SMYD3: variants seen among roughly 807,000 people sequenced by gnomAD.
SMYD3 encodes the protein histone-lysine N-methyltransferase SMYD3.
Under a neutral mutation model 57.7 loss-of-function variants are expected in SMYD3, and 36 were observed. The observed-to-expected ratio is 0.62, with a 90% CI of 0.48 to 0.82. The LOEUF is 0.82. SMYD3 is among the 40% of genes least tolerant of loss of function. The pLI, the probability that SMYD3 is intolerant of heterozygous loss-of-function variation, is 0.00. For synonymous variants in SMYD3, 211 were observed against 195.0 expected (o/e 1.08, Z -0.68); for missense variants, 515 against 538.8 (o/e 0.96, Z 0.44).
At chr1:246,164,527 C>T (rs1252720113) in intron 5 of SMYD3, among the ~76,000 whole-genome samples, 2 of 152,220 alleles carry the variant, frequency 1.3e-5, no homozygotes, top group Non-Finnish European at 2.9e-5. Context: ...GGACCAGCCC[C>T]AGTGAGCCAA....
At chr1:245,934,998 AC>A (rs1458762546) in intron 5 of SMYD3, among the ~76,000 whole-genome samples, 7 of 152,120 alleles carry the variant, frequency 4.6e-5, no homozygotes, top group Non-Finnish European at 7.4e-5. Context: ...AACCTAATGG[AC>A]CCCTGATTAA....
At chr1:246,468,673 A>G (rs1424459075) in intron 1 of SMYD3, among the ~76,000 whole-genome samples, 7 of 151,992 alleles carry the variant, frequency 4.6e-5, no homozygotes, top group Admixed American at 4.6e-4. Flanking sequence ...TAACAATAAT[A>G]ATAACAAATA....
intron 7 of SMYD3, among the ~76,000 whole-genome samples, chr1:245,922,846 C>G (rs1459656278): frequency 6.6e-6 from 1 of 151,742 alleles, no homozygotes; most frequent in Non-Finnish European, 1.5e-5. Context: ...ACATTTTCTT[C>G]CATAAAATAA....
chr1:245,846,419 G>T (rs2050668184), intron 10 of SMYD3, among the ~76,000 whole-genome samples: 1 of 152,318 alleles, frequency 6.6e-6, no homozygotes, highest in Admixed American at 6.5e-5. Flanking sequence ...ATAGTGGAAA[G>T]ACCACTAGAG....
intron 5 of SMYD3, among the ~76,000 whole-genome samples, chr1:246,147,423 G>A (rs1044791002): frequency 3.3e-5 from 5 of 152,114 alleles, no homozygotes; most frequent in Admixed American, 2.0e-4. Context: ...TGAAAGTCAC[G>A]TGAATCAGGA....
intron 5 of SMYD3, among the ~76,000 whole-genome samples, chr1:246,079,932 A>G (rs1410504935): frequency 6.6e-6 from 1 of 152,226 alleles, no homozygotes. Flanking sequence ...AAATAATTGA[A>G]AAAAGAATTG....
chr1:245,807,966 A>C (rs533476538), intron 10 of SMYD3, among the ~76,000 whole-genome samples: 1 of 152,306 alleles, frequency 6.6e-6, no homozygotes, highest in South Asian at 2.1e-4. Context: ...TTTTAAAGGG[A>C]AATAATTTAA....
At chr1:246,141,669 T>C (rs1480557780) in intron 5 of SMYD3, among the ~76,000 whole-genome samples, 1 of 152,148 alleles carries the variant, frequency 6.6e-6, no homozygotes, top group Non-Finnish European at 1.5e-5. Flanking sequence ...ATGACTAACA[T>C]GCCAACGTAA....
rs2066378808 is a variant in SMYD3, at chr1:246,380,984, G to A, written c.165-25890C>T. On this transcript the variant is annotated intron_variant, in intron 1 of 11. Coordinates refer to ENST00000490107, the MANE Select transcript of SMYD3 (RefSeq NM_001167740.2). The stretch of plus-strand genomic sequence containing the variant: ...CAATTCGCTAAGAATGATGTTGCCA[G>A]TAATGATAAAGAAAGAAAAAGTGAG... 2.0e-5 allele frequency among the ~76,000 whole-genome samples: 3 copies of A among 152,196 alleles called. No homozygotes were observed. The South Asian group carries it at 6.2e-4, about 32-fold the overall frequency.
intron 5 of SMYD3, among the ~76,000 whole-genome samples, chr1:246,288,563 T>C (rs1195508156): frequency 2.0e-5 from 3 of 151,920 alleles, no homozygotes; most frequent in South Asian, 4.2e-4. Flanking sequence ...GGCACAAGAC[T>C]AGATAAACCA....
At chr1:246,077,331 A>C (rs543048766) in intron 5 of SMYD3, among the ~76,000 whole-genome samples, 2 of 152,318 alleles carry the variant, frequency 1.3e-5, no homozygotes, top group East Asian at 3.9e-4. Context: ...GTAATAGTAC[A>C]TCAAGGAATC....
chr1:245,800,309 G>C (rs970112847), intron 10 of SMYD3, among the ~76,000 whole-genome samples: 1 of 152,026 alleles, frequency 6.6e-6, no homozygotes, highest in African/African-American at 2.4e-5. Flanking sequence ...TTCTAACAGT[G>C]TATCTTTCCT....
rs558866502 is a variant in SMYD3, at chr1:245,760,384, T to C, written c.1185+3657A>G. ...TTCCCTCTCCAGGTTACCCGAGTCC[T>C]GAGAAAGCTCAGGAAAGAAAGACTT... On this transcript the variant is annotated intron_variant, in intron 11 of 11. Coordinates refer to ENST00000490107, the MANE Select transcript of SMYD3 (RefSeq NM_001167740.2). 1.5e-3 allele frequency among the ~76,000 whole-genome samples: 223 copies of C among 152,280 alleles called. 1 individual carries two copies. The highest frequency in any genetic ancestry group is 5.0e-3 in the African/African-American group (209 of 41,560).
intron 10 of SMYD3, among the ~76,000 whole-genome samples, chr1:245,826,938 TG>T (rs2049536140): frequency 6.6e-6 from 1 of 152,148 alleles, no homozygotes; most frequent in South Asian, 2.1e-4. Flanking sequence ...CCTTGACACA[TG>T]GGGATTATGG....
At chr1:246,031,804 A>C (rs1464476735) in intron 5 of SMYD3, among the ~76,000 whole-genome samples, 1 of 152,048 alleles carries the variant, frequency 6.6e-6, no homozygotes. Flanking sequence ...AGATAAAATT[A>C]GGTTGGTTTC....
chr1:246,080,539 A>G (rs10924498), intron 5 of SMYD3, among the ~76,000 whole-genome samples: 12,337 of 152,160 alleles, frequency 0.081, 591 homozygotes, highest in African/African-American at 0.13. Context: ...AAAGGTTGGG[A>G]ACCACTGTCC....
At chr1:245,826,030 T>TTTTTTTTTTTTTTTTTTTTTG (rs1572449561) in intron 10 of SMYD3, among the ~76,000 whole-genome samples, 8 of 138,330 alleles carry the variant, frequency 5.8e-5, no homozygotes, top group Non-Finnish European at 1.3e-4. Flanking sequence ...ATGTTGTATT[T>TTTTTTTTTTTTTTTTTTTTTG]AATTAAATAT....
At chr1:245,966,151 C>T (rs1174116597) in intron 5 of SMYD3, among the ~76,000 whole-genome samples, 1 of 152,022 alleles carries the variant, frequency 6.6e-6, no homozygotes, top group Admixed American at 6.6e-5. Flanking sequence ...CATTATTTTG[C>T]TATTTTCCTT....
At chr1:246,094,601 G>A (rs1157203624) in intron 5 of SMYD3, among the ~76,000 whole-genome samples, 7 of 152,148 alleles carry the variant, frequency 4.6e-5, no homozygotes, top group Non-Finnish European at 4.4e-5. Flanking sequence ...AAGCCCTCTG[G>A]GTTGTAACAA....
Sources: gnomAD v4.1 joint callset for allele counts (sites outside exome capture counted in the v4.1 genomes callset) on GRCh38, gnomAD v4.1.1 for gene constraint, MANE v1.5 for transcripts, NCBI Gene and HGNC (gene_info 2026-07-23, HGNC 2026-07-21) for gene names.